Variants in ACY1 observed in about 807,000 individuals in gnomAD.
The protein encoded by ACY1 is aminoacylase 1, also known as aminoacylase-1.
A neutral mutation model predicts 53.3 loss-of-function variants in ACY1; 38 were observed. The observed-to-expected ratio is 0.71, with a 90% CI of 0.55 to 0.93. ACY1 has a LOEUF of 0.93. ACY1 is among the 40% of genes least tolerant of loss of function. The pLI is 0.00. For missense variants in ACY1, 484 were observed against 540.9 expected, an observed-to-expected ratio of 0.89 and a Z score of 1.04; for synonymous variants, 177 against 202.1, an observed-to-expected ratio of 0.88 and a Z score of 1.05.
chr3:51,988,882 T>C (rs760121248), intron 14 of ACY1, 29 bp from the exon 15 acceptor site: 6 of 1,614,186 alleles, frequency 3.7e-6, no homozygotes, highest in Non-Finnish European at 5.1e-6. Context: ...TGCTGGCTTT[T>C]CCCTAACGGC....
At chr3:51,986,542 G>T (rs1701064951) in intron 7 of ACY1, 38 bp downstream of exon 7, 1 of 1,613,980 alleles carries the variant, frequency 6.2e-7, no homozygotes, top group South Asian at 1.1e-5. Context: ...GCCAGGCAGG[G>T]AGTAGGAGGC....
Position 51,986,273 on chromosome 3 carries a change from G to T in ACY1, c.378G>T (p.Arg126Ser). Residue 126 changes from arginine to serine, a missense_variant, in exon 6 of 15, where the codon AGG becomes AGT. Arg to Ser is a moderately radical substitution (Grantham distance 110). Coordinates refer to ENST00000636358, the MANE Select transcript of ACY1 (RefSeq NM_000666.3). Reference sequence around the variant, plus strand: ...CCCTCAGGTACCTGGAAGCTGTGAGGAGGCTGAAGGTGGAGGGCCACCGGT... The same window carrying T: ...CCCTCAGGTACCTGGAAGCTGTGAGTAGGCTGAAGGTGGAGGGCCACCGGT... ...CVSIQYLEAV[R>S]RLKVEGHRFP... 1 of 1,613,872 alleles carries T rather than the reference G, an allele frequency of 6.2e-7. No individual in the cohort carries two copies. The highest frequency in any genetic ancestry group is 8.5e-7 in the Non-Finnish European group (1 of 1,179,952).
intron 2 of ACY1, chr3:51,984,978 C>T: frequency 3.3e-6 from 2 of 597,682 alleles, no homozygotes; most frequent in Non-Finnish European, 6.0e-6. Context: ...AAGATAACAC[C>T]TTCCTCCAAC....
intron 2 of ACY1, 108 bp downstream of exon 2, chr3:51,984,266 C>A: frequency 9.9e-7 from 1 of 1,011,470 alleles, no homozygotes; most frequent in Non-Finnish European, 1.5e-6. Flanking sequence ...CTCTGCTGTC[C>A]CAAATGGCTC....
In ACY1 at chr3:51,985,276, G is replaced by A. The variant is rs1460789397; in HGVS notation, c.159+5G>A. 8 of 1,611,524 alleles carry A rather than the reference G, an allele frequency of 5.0e-6. No individual in the cohort carries two copies. In the South Asian group the frequency reaches 7.7e-5, roughly 16 times the overall value. The stretch of plus-strand genomic sequence containing the variant: ...CTGGGCTGTCAGAAAGTAGAGGTGA[G>A]CCTGGGGCCCTAAGCGGGGAAGGGA... On this transcript the variant is annotated splice_donor_5th_base_variant and intron_variant, in intron 3 of 14. Transcript: ENST00000636358.
intron 4 of ACY1, among the ~76,000 whole-genome samples, 181 bp from the exon 5 acceptor site, chr3:51,985,670 AG>A (rs1211393546): frequency 6.6e-6 from 1 of 152,120 alleles, no homozygotes; most frequent in Non-Finnish European, 1.5e-5. Flanking sequence ...GGGGGTGGGA[AG>A]CAGGAGACAG....
chr3:51,986,862 C>A, intron 8 of ACY1, 126 bp from the exon 9 acceptor site: 1 of 1,250,644 alleles, frequency 8.0e-7, no homozygotes, highest in Non-Finnish European at 1.1e-6. Context: ...ATGCTACGGG[C>A]CCTGAGTGGG....
In ACY1 at chr3:51,987,610, C is replaced by CT. The variant is rs1431886577; in HGVS notation, c.908dup (p.Glu304ArgfsTer15). 6.2e-7 allele frequency: 1 copy of CT among 1,613,692 alleles called. No individual in the cohort carries two copies. Among genetic ancestry groups the CT allele is most frequent in the Non-Finnish European group, 8.5e-7 (1 of 1,179,900 alleles). ...CCAGGCAGCTGGCGAGGGGGTCACC[C>CT]TAGAGTTTGCTCAGGTATGGACTTG... On this transcript the variant is annotated frameshift_variant, in exon 12 of 15. Coordinates refer to ENST00000636358, the MANE Select transcript of ACY1 (RefSeq NM_000666.3). LOFTEE classifies it high-confidence loss of function.
rs1277031784 is a variant in ACY1 at position 51,989,197 on chromosome 3, A to G, written c.*122A>G. 10 of 1,374,838 alleles carry G rather than the reference A, an allele frequency of 7.3e-6. No homozygotes were observed. The highest frequency in any genetic ancestry group is 1.4e-5 in the African/African-American group (1 of 69,942). 85.2% of individuals were successfully genotyped at this position (1,374,838 alleles called of 1,614,324 possible). A position where few individuals can be genotyped will look rare whatever the true frequency, so the allele number is the denominator to read the frequency against. On this transcript the variant is annotated 3_prime_UTR_variant, in exon 15 of 15. Transcript: ENST00000636358. Reference sequence around the variant, plus strand: ...GGGCTGTCTCTGAAGTACTAACACAAGGACACTCGTGGAGCAAGAATTTTC... The same window carrying G: ...GGGCTGTCTCTGAAGTACTAACACAGGGACACTCGTGGAGCAAGAATTTTC...
chr3:51,988,478 A>C, intron 12 of ACY1, 46 bp from the exon 13 acceptor site: 1 of 1,568,116 alleles, frequency 6.4e-7, no homozygotes, highest in African/African-American at 1.4e-5. Flanking sequence ...ATAGGGCAAG[A>C]TGCCCAGGCC....
chr3:51,987,892 G>T, intron 12 of ACY1: 1 of 438,850 alleles, frequency 2.3e-6, no homozygotes, highest in Non-Finnish European at 4.2e-6. Context: ...ACTTTTTTCT[G>T]AGAGAATCTC....
At chr3:51,984,823 A>G (rs2106828838) in intron 2 of ACY1, 2 of 286,274 alleles carry the variant, frequency 7.0e-6, no homozygotes, top group East Asian at 9.6e-5. Flanking sequence ...TCAAAAAAAA[A>G]AAAAAAAAAA....
At position 51,989,158 on chromosome 3, in the gene ACY1, A is replaced by G; in HGVS notation, c.*83A>G. 6.4e-7 allele frequency: 1 copy of G among 1,570,270 alleles called. No homozygotes were observed. Among genetic ancestry groups the G allele is most frequent in the Non-Finnish European group, 8.7e-7 (1 of 1,152,750 alleles). On this transcript the variant is annotated 3_prime_UTR_variant, in exon 15 of 15. Transcript: ENST00000636358. ...CCTCCTCTTCCCCCTTCCAAATAAT[A>G]AAGTCTATGGACAGGGCTGTCTCTG...
Position 51,989,182 on chromosome 3 carries a change from T to C in ACY1, c.*107T>C. 6.7e-7 allele frequency: 1 copy of C among 1,482,916 alleles called. No individual in the cohort carries two copies. The highest frequency in any genetic ancestry group is 9.3e-7 in the Non-Finnish European group (1 of 1,079,896). The allele number at this position is 1,482,916 out of a possible 1,614,324, so 91.9% of individuals were successfully genotyped here. A position where few individuals can be genotyped will look rare whatever the true frequency, so the allele number is the denominator to read the frequency against. On this transcript the variant is annotated 3_prime_UTR_variant, in exon 15 of 15. Coordinates refer to ENST00000636358, the MANE Select transcript of ACY1 (RefSeq NM_000666.3). ...TAAAGTCTATGGACAGGGCTGTCTC[T>C]GAAGTACTAACACAAGGACACTCGT...
In ACY1 at chr3:51,985,384, C is replaced by T. The variant is rs775907661; in HGVS notation, c.183C>T (p.Thr61=). ...KVEVAPGYVV[T]VLTWPGTNPT... is the part of the protein sequence containing the mutation. Reference sequence around the variant, plus strand: ...AGGTGGCACCTGGCTATGTGGTGACCGTGTTGACCTGGCCAGGCACCAACC... The same window carrying T: ...AGGTGGCACCTGGCTATGTGGTGACTGTGTTGACCTGGCCAGGCACCAACC... Residue 61 remains threonine (T), a synonymous_variant, in exon 4 of 15, where the codon ACC becomes ACT. Coordinates refer to ENST00000636358, the MANE Select transcript of ACY1 (RefSeq NM_000666.3). 23 of 1,613,994 alleles carry T rather than the reference C, an allele frequency of 1.4e-5. No individual in the cohort carries two copies. In the Admixed American group the frequency reaches 1.5e-4, roughly 11 times the overall value.
intron 2 of ACY1, 112 bp from the exon 3 acceptor site, chr3:51,985,095 G>A (rs1701009966): frequency 9.8e-7 from 1 of 1,021,964 alleles, no homozygotes; most frequent in South Asian, 1.4e-5. Flanking sequence ...GATATGGAGT[G>A]TGTCGGGGAG....
chr3:51,985,730 TCCCACCACTCCACCTGTCACTC>T (rs1366740926), intron 4 of ACY1, 100 bp from the exon 5 acceptor site: 17 of 897,914 alleles, frequency 1.9e-5, no homozygotes, highest in Non-Finnish European at 3.1e-5. Context: ...GTCTTTCCTC[TCCCACCACTCCACCTGTCACTC>T]CAACCCTATG....
chr3:51,984,957 C>T, intron 2 of ACY1: 2 of 575,028 alleles, frequency 3.5e-6, no homozygotes, highest in East Asian at 2.9e-5. Context: ...CATAGTTTCC[C>T]ATATTTAAGG....
intron 2 of ACY1, 65 bp from the exon 3 acceptor site, chr3:51,985,142 G>A (rs1369250141): frequency 1.3e-6 from 2 of 1,538,930 alleles, no homozygotes; most frequent in Non-Finnish European, 1.8e-6. Flanking sequence ...CACTCTCCGG[G>A]CTGCCTGGGC....
Sources: gnomAD v4.1 joint callset for allele counts (sites outside exome capture counted in the v4.1 genomes callset) on GRCh38, gnomAD v4.1.1 for gene constraint, MANE v1.5 for transcripts, NCBI Gene and HGNC (gene_info 2026-07-23, HGNC 2026-07-21) for gene names.